Variants in DLG2 observed in about 807,000 individuals in gnomAD.
DLG2 encodes disks large homolog 2.
In DLG2, 45 loss-of-function variants were observed where a neutral mutation model predicts 132.5. The ratio of observed to expected loss-of-function variants is 0.34; its 90% CI spans 0.27 to 0.44. DLG2 has a LOEUF of 0.44. DLG2 is among the 20% of genes least tolerant of loss of function. DLG2 has a pLI of 1.00. For synonymous variants in DLG2, 424 were observed against 419.6 expected (o/e 1.01, Z -0.13); for missense variants, 1,045 against 1,196.9 (o/e 0.87, Z 1.87).
chr11:84,733,046 G>A (rs998660677), intron 6 of DLG2, among the ~76,000 whole-genome samples: 1 of 152,138 alleles, frequency 6.6e-6, no homozygotes, highest in Non-Finnish European at 1.5e-5. Flanking sequence ...ATCATTGTTG[G>A]ACATTTGGGT....
chr11:85,304,655 A>T (rs957747583), intron 3 of DLG2, among the ~76,000 whole-genome samples: 2 of 152,166 alleles, frequency 1.3e-5, no homozygotes, highest in Non-Finnish European at 2.9e-5. Flanking sequence ...TTCAAAAATT[A>T]AAAAAATTGA....
intron 2 of DLG2, among the ~76,000 whole-genome samples, chr11:85,608,692 G>T (rs2080768043): frequency 6.6e-6 from 1 of 152,118 alleles, no homozygotes; most frequent in Non-Finnish European, 1.5e-5. Flanking sequence ...CCTTCAAGCT[G>T]TAGGGGGTGG....
At chr11:85,070,305 AAAATAAATAAATAAAT>A (rs60646994) in intron 6 of DLG2, among the ~76,000 whole-genome samples, 9 of 145,926 alleles carry the variant, frequency 6.2e-5, no homozygotes, top group East Asian at 2.0e-4. Context: ...AGTATAATAA[AAAATAAATAAATAAAT>A]AAATAAATAA....
intron 17 of DLG2, among the ~76,000 whole-genome samples, chr11:83,793,468 G>C (rs1036811505): frequency 6.6e-6 from 1 of 152,146 alleles, no homozygotes; most frequent in African/African-American, 2.4e-5. Context: ...TGAGAACCAA[G>C]TGAACAGCCA....
At chr11:84,769,438 A>G (rs1053402766) in intron 6 of DLG2, among the ~76,000 whole-genome samples, 1 of 152,150 alleles carries the variant, frequency 6.6e-6, no homozygotes, top group Non-Finnish European at 1.5e-5. Flanking sequence ...AATAAAATAT[A>G]CATATTTTTA....
At chr11:85,274,413 A>G (rs2077754022) in intron 4 of DLG2, among the ~76,000 whole-genome samples, 1 of 152,226 alleles carries the variant, frequency 6.6e-6, no homozygotes, top group Admixed American at 6.5e-5. Flanking sequence ...CTGAATGTAG[A>G]TGTCTTACTT....
intron 9 of DLG2, among the ~76,000 whole-genome samples, chr11:84,107,013 T>TGTGTGTGA (rs1555348732): frequency 4.2e-4 from 53 of 126,196 alleles, no homozygotes; most frequent in Non-Finnish European, 6.4e-4. Context: ...TGTGTGTGTG[T>TGTGTGTGA]GAGAGAGTTT....
In DLG2 at chr11:85,561,691, T is replaced by C. The variant is rs186379315; in HGVS notation, c.40+36966A>G. On this transcript the variant is annotated intron_variant, in intron 3 of 27. Transcript: ENST00000376104. ...ATGGTTCTATAGAGATATAAGACAT[T>C]GTATACTAACTTCATTATGCTATAA... Among the ~76,000 whole-genome samples the C allele has an allele frequency of 1.0e-3, 152 of 151,916 alleles. 3 individuals are homozygous for C. Among genetic ancestry groups the C allele is most frequent in the African/African-American group, 2.9e-3 (120 of 41,526 alleles).
At position 83,508,269 on chromosome 11, in the gene DLG2, G is replaced by T. The variant is rs543919827; in HGVS notation, c.2194-24041C>A. ...TCTTTTTTTTTTTTTTTGAGACAGTGTGTCAAGCCCAGGTTGGAGTGCAGT... is the reference window on the plus strand; with the variant it reads ...TCTTTTTTTTTTTTTTTGAGACAGTTTGTCAAGCCCAGGTTGGAGTGCAGT... On this transcript the variant is annotated intron_variant, in intron 21 of 27. Transcript: ENST00000376104. Among the ~76,000 whole-genome samples, 6 of 147,526 alleles carry T rather than the reference G, an allele frequency of 4.1e-5. No individual in the cohort carries two copies. The South Asian group carries it at 6.4e-4, about 16-fold the overall frequency.
intron 6 of DLG2, chr11:84,546,910 G>GC: frequency 6.0e-6 from 1 of 168,038 alleles, no homozygotes; most frequent in Non-Finnish European, 1.3e-5. Flanking sequence ...AAGGAGTAAG[G>GC]TGACAAATGT....
chr11:85,339,314 G>A (rs1401509961), intron 3 of DLG2, among the ~76,000 whole-genome samples: 2 of 152,084 alleles, frequency 1.3e-5, no homozygotes, highest in African/African-American at 4.8e-5. Flanking sequence ...ATGCTATAAT[G>A]AATAATTTTC....
intron 7 of DLG2, among the ~76,000 whole-genome samples, chr11:84,306,395 G>A (rs1315540520): frequency 6.6e-6 from 1 of 152,140 alleles, no homozygotes. Context: ...CACATAGATT[G>A]ATGCAGGAGA....
intron 4 of DLG2, among the ~76,000 whole-genome samples, chr11:85,165,530 A>G (rs941838894): frequency 6.6e-6 from 1 of 152,166 alleles, no homozygotes; most frequent in African/African-American, 2.4e-5. Flanking sequence ...CTCTATAAGG[A>G]AAGTACTTTG....
At chr11:85,364,649 A>T (rs79249444) in intron 3 of DLG2, among the ~76,000 whole-genome samples, 7,634 of 152,164 alleles carry the variant, frequency 0.05, 224 homozygotes, top group African/African-American at 0.06. Context: ...AAATGTGAAT[A>T]CTTGTTTGGG....
intron 6 of DLG2, among the ~76,000 whole-genome samples, chr11:84,896,683 A>C (rs572448755): frequency 6.6e-6 from 1 of 152,124 alleles, no homozygotes; most frequent in South Asian, 2.1e-4. Context: ...AGTTACGTAC[A>C]GTCAACTCTG....
At chr11:85,135,687 T>G (rs1245468043) in intron 5 of DLG2, among the ~76,000 whole-genome samples, 1 of 152,232 alleles carries the variant, frequency 6.6e-6, no homozygotes, top group Non-Finnish European at 1.5e-5. Flanking sequence ...ATGTGATTAT[T>G]TGATTAATGT....
At chr11:84,640,343 T>A in intron 6 of DLG2, 1 of 347,676 alleles carries the variant, frequency 2.9e-6, no homozygotes. Flanking sequence ...ATTTCTTGGA[T>A]GAAAAATAAA....
chr11:83,943,669 C>T (rs2083165234), intron 14 of DLG2, among the ~76,000 whole-genome samples: 1 of 151,128 alleles, frequency 6.6e-6, no homozygotes, highest in African/African-American at 2.5e-5. Flanking sequence ...TAGCTACAGC[C>T]ATTTTATAGA....
chr11:84,396,643 T>C (rs1019148294), intron 7 of DLG2, among the ~76,000 whole-genome samples: 28 of 152,268 alleles, frequency 1.8e-4, no homozygotes, highest in African/African-American at 6.7e-4. Context: ...TTCACTAAGC[T>C]CTCCTGCCTA....
Sources: allele counts gnomAD v4.1 joint callset (sites outside exome capture counted in the v4.1 genomes callset), GRCh38; gene constraint gnomAD v4.1.1; transcripts MANE v1.5; gene names NCBI Gene and HGNC (gene_info 2026-07-23, HGNC 2026-07-21).